ASIC2: variants seen among roughly 807,000 people sequenced by gnomAD.
The protein encoded by ASIC2 is acid sensing ion channel subunit 2.
Under a neutral mutation model 57.3 loss-of-function variants are expected in ASIC2, and 25 were observed. The observed-to-expected ratio is 0.44, with a 90% CI of 0.32 to 0.61. ASIC2 has a LOEUF of 0.61. Among genes scored for constraint, ASIC2 ranks in the 20% least tolerant of loss-of-function variants. ASIC2 has a pLI of 0.06. For missense variants in ASIC2, 641 were observed against 738.1 expected, an observed-to-expected ratio of 0.87 and a Z score of 1.52; for synonymous variants, 319 against 307.5, an observed-to-expected ratio of 1.04 and a Z score of -0.39.
At chr17:33,060,007 G>A (rs890290794) in intron 3 of ASIC2, among the ~76,000 whole-genome samples, 1 of 151,832 alleles carries the variant, frequency 6.6e-6, no homozygotes, top group Non-Finnish European at 1.5e-5. Flanking sequence ...TGATGGGGTT[G>A]TTTGTTTTTT....
chr17:34,053,314 T>C (rs1435727614), intron 1 of ASIC2, among the ~76,000 whole-genome samples: 1 of 152,114 alleles, frequency 6.6e-6, no homozygotes, highest in East Asian at 1.9e-4. Context: ...CTCCCTGTGC[T>C]GAAGACACTG....
At chr17:33,910,104 C>T (rs1023985250) in intron 1 of ASIC2, among the ~76,000 whole-genome samples, 3 of 152,124 alleles carry the variant, frequency 2.0e-5, no homozygotes, top group African/African-American at 7.2e-5. Context: ...AGCAAGAGCC[C>T]AGGAAATGTT....
intron 1 of ASIC2, among the ~76,000 whole-genome samples, chr17:33,820,005 T>C (rs1912698948): frequency 6.6e-6 from 1 of 152,170 alleles, no homozygotes; most frequent in African/African-American, 2.4e-5. Flanking sequence ...GCTGAAAATC[T>C]GAGACTCTTA....
chr17:33,017,777 C>T (rs926845866), intron 7 of ASIC2, 93 bp from the exon 8 acceptor site: 13 of 1,206,848 alleles, frequency 1.1e-5, no homozygotes, highest in Admixed American at 5.9e-5. Flanking sequence ...TTCTGAATGG[C>T]GCCCCCTCCA....
intron 1 of ASIC2, among the ~76,000 whole-genome samples, chr17:33,416,367 G>T (rs145305862): frequency 6.6e-6 from 1 of 151,894 alleles, no homozygotes; most frequent in Non-Finnish European, 1.5e-5. Context: ...CTCTTTTTTC[G>T]ATTTGCACTC....
At chr17:34,088,732 TG>T (rs1246127597) in intron 1 of ASIC2, among the ~76,000 whole-genome samples, 2 of 152,216 alleles carry the variant, frequency 1.3e-5, no homozygotes, top group African/African-American at 4.8e-5. Flanking sequence ...TAAGCAAGCC[TG>T]GGCAATGGCG....
chr17:34,049,354 T>G (rs770111542), intron 1 of ASIC2, among the ~76,000 whole-genome samples: 11 of 152,078 alleles, frequency 7.2e-5, no homozygotes, highest in Admixed American at 1.3e-4. Context: ...AAGGGGAAAC[T>G]CCAGGATGGT....
chr17:33,909,949 G>A lies in ASIC2; in HGVS notation c.555+246029C>T, dbSNP rs374363499. 6.6e-5 allele frequency among the ~76,000 whole-genome samples: 10 copies of A among 152,204 alleles called. No homozygotes were observed. The East Asian group carries it at 1.7e-3, about 27-fold the overall frequency. On this transcript the variant is annotated intron_variant, in intron 1 of 9. Transcript: ENST00000359872. ...CAGTTCCTCTGTTTGCTAATGGTGTGACCCTGAGCAAGTTATTCAATTTCT... is the reference window on the plus strand; with the variant it reads ...CAGTTCCTCTGTTTGCTAATGGTGTAACCCTGAGCAAGTTATTCAATTTCT...
intron 1 of ASIC2, among the ~76,000 whole-genome samples, chr17:33,779,247 TA>T (rs916588400): frequency 9.2e-5 from 14 of 151,872 alleles, no homozygotes; most frequent in African/African-American, 7.3e-5. Flanking sequence ...TGTTGTTCCT[TA>T]AAAAAAAGAT....
chr17:33,246,839 G>T (rs1908707394), intron 1 of ASIC2, among the ~76,000 whole-genome samples: 1 of 152,158 alleles, frequency 6.6e-6, no homozygotes, highest in Non-Finnish European at 1.5e-5. Flanking sequence ...CTCACACAGT[G>T]AGTCGGTGGT....
At chr17:33,346,386 C>T (rs1339735896) in intron 1 of ASIC2, among the ~76,000 whole-genome samples, 2 of 152,062 alleles carry the variant, frequency 1.3e-5, no homozygotes, top group African/African-American at 4.8e-5. Context: ...TAGAAGGGAA[C>T]TTCAAGATAT....
intron 1 of ASIC2, among the ~76,000 whole-genome samples, chr17:33,359,940 A>G (rs1262762118): frequency 6.6e-6 from 1 of 152,146 alleles, no homozygotes; most frequent in African/African-American, 2.4e-5. Context: ...GACTTCTTTT[A>G]TATTCTATAA....
At chr17:33,757,661 G>GAGTAT (rs1281506104) in intron 1 of ASIC2, among the ~76,000 whole-genome samples, 1 of 152,160 alleles carries the variant, frequency 6.6e-6, no homozygotes, top group Admixed American at 6.5e-5. Flanking sequence ...TAGAAAACAG[G>GAGTAT]AGTATACACA....
At chr17:33,685,300 A>G (rs1345086264) in intron 1 of ASIC2, among the ~76,000 whole-genome samples, 3 of 152,156 alleles carry the variant, frequency 2.0e-5, no homozygotes, top group Non-Finnish European at 4.4e-5. Flanking sequence ...TCCCACACCC[A>G]GCGTGAAGAT....
chr17:33,873,918 T>C (rs1436706453), intron 1 of ASIC2, among the ~76,000 whole-genome samples: 1 of 152,180 alleles, frequency 6.6e-6, no homozygotes, highest in Non-Finnish European at 1.5e-5. Context: ...AGGAAGGGGC[T>C]GAAACCTATG....
chr17:33,321,590 C>T (rs779804009), intron 1 of ASIC2, among the ~76,000 whole-genome samples: 2 of 152,246 alleles, frequency 1.3e-5, no homozygotes, highest in African/African-American at 2.4e-5. Flanking sequence ...ATATTTCTAG[C>T]ATTTATTATT....
At chr17:33,297,905 T>C (rs1368670530), upstream of ASIC2, among the ~76,000 whole-genome samples, 1 of 149,752 alleles carries the variant, frequency 6.7e-6, no homozygotes, top group Non-Finnish European at 1.5e-5. Context: ...CATGGGCTTT[T>C]GTGGGGGTAA....
At chr17:33,725,726 C>T (rs866015096) in intron 1 of ASIC2, among the ~76,000 whole-genome samples, 3,275 of 147,520 alleles carry the variant, frequency 0.022, 126 homozygotes, top group African/African-American at 0.073. Context: ...AAGAAACCCC[C>T]CCCCCCTTTT....
At chr17:33,747,857 C>T (rs1466581643) in intron 1 of ASIC2, among the ~76,000 whole-genome samples, 3 of 152,166 alleles carry the variant, frequency 2.0e-5, no homozygotes, top group African/African-American at 4.8e-5. Flanking sequence ...GACAGGCGGG[C>T]CTCACCTCAA....
Sources: gnomAD v4.1 joint callset for allele counts (sites outside exome capture counted in the v4.1 genomes callset) on GRCh38, gnomAD v4.1.1 for gene constraint, MANE v1.5 for transcripts, NCBI Gene and HGNC (gene_info 2026-07-23, HGNC 2026-07-21) for gene names.